KIAA0319L: variants seen among roughly 807,000 people sequenced by gnomAD.
KIAA0319L encodes the protein dyslexia-associated protein KIAA0319-like protein.
Under a neutral mutation model 120.1 loss-of-function variants are expected in KIAA0319L, and 55 were observed. The ratio of observed to expected loss-of-function variants is 0.46; its 90% CI spans 0.37 to 0.57. KIAA0319L has a LOEUF of 0.57. KIAA0319L is among the 20% of genes least tolerant of loss of function. The pLI is 0.00. For missense variants in KIAA0319L, 1,049 were observed against 1,255.3 expected (o/e 0.84, Z 2.48); for synonymous variants, 398 against 471.9 (o/e 0.84, Z 2.03).
chr1:35,458,550 A>T (rs191816241), intron 9 of KIAA0319L, among the ~76,000 whole-genome samples: 104 of 152,318 alleles, frequency 6.8e-4, no homozygotes, highest in Admixed American at 6.5e-4. Context: ...TCCACTAAAA[A>T]ACCTGTAGGT....
intron 3 of KIAA0319L, among the ~76,000 whole-genome samples, chr1:35,492,143 CTA>C (rs1644617879): frequency 6.6e-6 from 1 of 152,170 alleles, no homozygotes; most frequent in African/African-American, 2.4e-5. Context: ...TCAACTCATT[CTA>C]TGAGGCCAGC....
chr1:35,557,224 T>C lies in KIAA0319L; in HGVS notation c.-46A>G, dbSNP rs547630215. The C allele has an allele frequency of 1.1e-5, 2 of 184,878 alleles. No individual in the cohort carries two copies. The allele number at this position is 184,878 out of a possible 1,614,324, so 11.5% of individuals were successfully genotyped here. On this transcript the variant is annotated 5_prime_UTR_variant, in exon 1 of 21. The change abolishes an upstream ATG in the 5' untranslated region. Transcript: ENST00000325722. The stretch of plus-strand genomic sequence containing the variant: ...CCACCTACCGGGGCTCAGGGCCACA[T>C]AGCGGGGCCCCGGCTCTCGGCGGCC...
intron 12 of KIAA0319L, 112 bp from the exon 13 acceptor site, chr1:35,451,888 C>T (rs1437558693): frequency 3.7e-6 from 4 of 1,095,682 alleles, no homozygotes; most frequent in Non-Finnish European, 5.3e-6. Context: ...CTACTGTTAC[C>T]CAGACCTTGA....
Position 35,442,886 on chromosome 1 carries a change from G to A in KIAA0319L, c.2779+20C>T. 1 of 1,614,134 alleles carries A rather than the reference G, an allele frequency of 6.2e-7. No individual in the cohort carries two copies. The highest frequency in any genetic ancestry group is 8.5e-7 in the Non-Finnish European group (1 of 1,180,002). On this transcript the variant is annotated intron_variant, in intron 18 of 20. Coordinates refer to ENST00000325722, the MANE Select transcript of KIAA0319L (RefSeq NM_024874.5). The stretch of plus-strand genomic sequence containing the variant: ...ATTCAGCGCCAAACAGGCTGGCACT[G>A]TGCCACATAGAAAACTCACCACAGT...
chr1:35,459,465 TG>T (rs1642731691), intron 9 of KIAA0319L, among the ~76,000 whole-genome samples: 1 of 151,598 alleles, frequency 6.6e-6, no homozygotes. Flanking sequence ...GGCGTGGTGG[TG>T]GGTGCCTGTA....
intron 3 of KIAA0319L, among the ~76,000 whole-genome samples, chr1:35,495,863 C>CA (rs200064916): frequency 0.18 from 12,069 of 68,090 alleles, 1,547 homozygotes; most frequent in East Asian, 0.64. Flanking sequence ...TAACACTCTA[C>CA]AAAAAAAAAA....
chr1:35,451,196 G>A (rs897245857), intron 13 of KIAA0319L, among the ~76,000 whole-genome samples: 1 of 152,228 alleles, frequency 6.6e-6, no homozygotes, highest in Non-Finnish European at 1.5e-5. Flanking sequence ...AAGGCTCAGG[G>A]CAAGCATAGT....
chr1:35,456,960 GAAGC>G, intron 9 of KIAA0319L, among the ~76,000 whole-genome samples: 4 of 146,532 alleles, frequency 2.7e-5, no homozygotes, highest in Admixed American at 1.4e-4. Flanking sequence ...AGGAAGGAAG[GAAGC>G]AAGCTTGCCC....
chr1:35,538,380 T>C (rs573435864), intron 2 of KIAA0319L, among the ~76,000 whole-genome samples: 1 of 151,956 alleles, frequency 6.6e-6, no homozygotes, highest in Non-Finnish European at 1.5e-5. Flanking sequence ...TGCCTGAGGT[T>C]AGGAATTCAA....
intron 2 of KIAA0319L, among the ~76,000 whole-genome samples, chr1:35,544,107 C>T (rs921791871): frequency 2.6e-5 from 4 of 152,104 alleles, no homozygotes; most frequent in Admixed American, 1.3e-4. Flanking sequence ...GTGGCTCGTG[C>T]TTGTAATCCT....
intron 2 of KIAA0319L, among the ~76,000 whole-genome samples, chr1:35,526,384 CATACATATATATATATATATATATAT>C (rs1646137101): frequency 9.0e-6 from 1 of 110,836 alleles, no homozygotes; most frequent in Admixed American, 9.7e-5. Context: ...TATATATATA[CATACATATATATATATATATATATAT>C]ACACACATAC....
At chr1:35,485,042 A>C (rs1180555951) in intron 3 of KIAA0319L, among the ~76,000 whole-genome samples, 1 of 140,950 alleles carries the variant, frequency 7.1e-6, no homozygotes, top group South Asian at 2.2e-4. Context: ...TGCTAAATCT[A>C]ATAGCTGGGC....
chr1:35,463,640 A>C (rs1218274965), intron 7 of KIAA0319L, among the ~76,000 whole-genome samples: 1 of 152,232 alleles, frequency 6.6e-6, no homozygotes, highest in Non-Finnish European at 1.5e-5. Flanking sequence ...AGAAGGTGAA[A>C]GGATTATCTT....
At chr1:35,533,060 A>G (rs917437212) in intron 2 of KIAA0319L, 1 of 152,226 alleles carries the variant, frequency 6.6e-6, no homozygotes, top group Non-Finnish European at 1.5e-5. Flanking sequence ...CAGAGTGGAA[A>G]AGTCTACAGG....
At chr1:35,517,299 C>T (rs1347510963) in intron 2 of KIAA0319L, among the ~76,000 whole-genome samples, 3 of 152,102 alleles carry the variant, frequency 2.0e-5, no homozygotes, top group African/African-American at 7.2e-5. Flanking sequence ...ACCACGTTAC[C>T]CGACTTCTAA....
intron 2 of KIAA0319L, among the ~76,000 whole-genome samples, chr1:35,545,249 T>C (rs971872228): frequency 6.6e-6 from 1 of 152,150 alleles, no homozygotes; most frequent in Non-Finnish European, 1.5e-5. Context: ...GCTGGAACTC[T>C]GGCCCTCTGC....
intron 3 of KIAA0319L, among the ~76,000 whole-genome samples, chr1:35,503,775 A>G (rs1645096726): frequency 6.6e-6 from 1 of 152,162 alleles, no homozygotes; most frequent in African/African-American, 2.4e-5. Context: ...CTGAGACAGC[A>G]AGACCAACTA....
At chr1:35,454,681 A>G in intron 10 of KIAA0319L, 196 bp from the exon 11 acceptor site, 1 of 1,349,294 alleles carries the variant, frequency 7.4e-7, no homozygotes, top group East Asian at 2.7e-5. Context: ...TTCCCCCTTC[A>G]AGGAAACAAC....
At chr1:35,439,373 G>A (rs1213083872) in intron 20 of KIAA0319L, 2 of 152,214 alleles carry the variant, frequency 1.3e-5, no homozygotes, top group Non-Finnish European at 2.9e-5. Flanking sequence ...TTTGCTTAAT[G>A]TCTGTCTGAC....
Sources: gnomAD v4.1 joint callset for allele counts (sites outside exome capture counted in the v4.1 genomes callset) on GRCh38, gnomAD v4.1.1 for gene constraint, MANE v1.5 for transcripts, NCBI Gene and HGNC (gene_info 2026-07-23, HGNC 2026-07-21) for gene names.